Variants in ALOX15 observed in about 807,000 individuals in gnomAD.
ALOX15 encodes arachidonate 15-lipoxygenase.
ALOX15 carries 68 observed loss-of-function variants against 71.7 expected under a neutral mutation model. The ratio of observed to expected loss-of-function variants is 0.95; its 90% CI spans 0.78 to 1.16. The LOEUF is 1.16. ALOX15 is among the 50% of genes most tolerant of loss of function. ALOX15 has a pLI of 0.00. For missense variants in ALOX15, 798 were observed against 818.8 expected, an observed-to-expected ratio of 0.97 and a Z score of 0.31; for synonymous variants, 346 against 333.3, an observed-to-expected ratio of 1.04 and a Z score of -0.42.
At position 4,638,377 on chromosome 17, in the gene ALOX15, T is replaced by C. The variant is rs1162628985; in HGVS notation, c.647A>G (p.Glu216Gly). The change falls in exon 6 of 14, where the codon GAG becomes GGG. Residue 216 changes from glutamate (E) to glycine (G), a missense_variant and splice_region_variant. Coordinates refer to ENST00000293761, the MANE Select transcript of ALOX15 (RefSeq NM_001140.5). The stretch of plus-strand genomic sequence containing the variant: ...TTCCTTCCAGGAGTCCCGCACGCGC[T>C]CTGGGGAAGGCAGTTGTTGAGCAAG... Reference protein sequence around the residue: ...IFWCGQSKLAERVRDSWKEDA... With the variant: ...IFWCGQSKLAGRVRDSWKEDA... 1.1e-6 allele frequency: 1 copy of C among 930,858 alleles called. No homozygotes were observed. The highest frequency in any genetic ancestry group is 1.7e-6 in the Non-Finnish European group (1 of 605,628). 57.7% of individuals were successfully genotyped at this position (930,858 alleles called of 1,614,324 possible).
intron 1 of ALOX15, 55 bp from the exon 2 acceptor site, chr17:4,639,686 G>A (rs1911249986): frequency 1.3e-6 from 2 of 1,533,242 alleles, no homozygotes; most frequent in African/African-American, 1.4e-5. Flanking sequence ...AGGGGCACCC[G>A]GCTGAGCCCT....
rs746042848 is a variant in ALOX15 at position 4,638,984 on chromosome 17, G to A, written c.420-12C>T. 4.4e-5 allele frequency: 71 copies of A among 1,614,096 alleles called. No individual in the cohort carries two copies. The highest frequency in any genetic ancestry group is 5.7e-5 in the Non-Finnish European group (67 of 1,180,044). On this transcript the variant is annotated splice_polypyrimidine_tract_variant and intron_variant, in intron 3 of 13. Transcript: ENST00000293761. ...TCCAGTTTCCCCACCTGTGGGGCAG[G>A]AAGGAAATCAAGTATGGGTGCTGGA... is the stretch of plus-strand genomic sequence containing the variant.
In ALOX15 at chr17:4,638,961, C is replaced by A; in HGVS notation, c.431G>T (p.Trp144Leu). 6.2e-7 allele frequency: 1 copy of A among 1,614,204 alleles called. No individual in the cohort carries two copies. The highest frequency in any genetic ancestry group is 1.1e-5 in the South Asian group (1 of 91,074). ...CATATTCAGAATTAACCCGTCCTTCCAGTTTCCCCACCTGTGGGGCAGGAA... is the reference window on the plus strand; with the variant it reads ...CATATTCAGAATTAACCCGTCCTTCAAGTTTCCCCACCTGTGGGGCAGGAA... ...ERRKLYRWGN[W>L]KDGLILNMAG... is the part of the protein sequence containing the mutation. The change falls in exon 4 of 14, where the codon TGG becomes TTG. Residue 144 changes from tryptophan (W) to leucine (L), a missense_variant. Physicochemically the swap from Trp to Leu is moderately conservative, Grantham distance 61 (BLOSUM62 -2). Around this residue, in one of 3 missense-constraint regions of ALOX15, gnomAD observed 300 missense variants for 283.1 expected, o/e 1.06. Transcript: ENST00000293761.
rs1451495799 is a variant in ALOX15, at chr17:4,635,802, A to C, written c.1118T>G (p.Val373Gly). The change falls in exon 8 of 14, where the codon GTG (valine) becomes GGG (glycine). Residue 373 changes from valine (V) to glycine (G), a missense_variant. Physicochemically the swap from Val to Gly is moderately radical, Grantham distance 109. Coordinates refer to ENST00000293761, the MANE Select transcript of ALOX15 (RefSeq NM_001140.5). ...CGACGGCAGGCACCTCATGGTGGCC[A>C]CAACAATGACCTCAGCCATCAAGTG... Reference protein sequence around the residue: ...RGHLMAEVIVVATMRCLPSIH... With the variant: ...RGHLMAEVIVGATMRCLPSIH... 1.9e-6 allele frequency: 3 copies of C among 1,614,128 alleles called. No homozygotes were observed.
At chr17:4,641,192 A>C (rs41358446) in intron 1 of ALOX15, among the ~76,000 whole-genome samples, 23 of 151,608 alleles carry the variant, frequency 1.5e-4, no homozygotes, top group African/African-American at 5.6e-4. Context: ...CGGTTTTTAA[A>C]ATAGAGAAAG....
intron 6 of ALOX15, among the ~76,000 whole-genome samples, chr17:4,637,973 TTTC>T (rs1911170223): frequency 6.6e-6 from 1 of 152,162 alleles, no homozygotes; most frequent in Admixed American, 6.5e-5. Context: ...GCCAGTCACA[TTTC>T]TTCATTTGAC....
rs566374041 is a variant in ALOX15, at chr17:4,635,610, A to G, written c.1161+149T>C. On this transcript the variant is annotated intron_variant, in intron 8 of 13. Transcript: ENST00000293761. ...CTATCCCCTTTGAAAATGCATGGCCAGCCCTGCTCATTCTCTGTTGCTCTC... is the reference window on the plus strand; with the variant it reads ...CTATCCCCTTTGAAAATGCATGGCCGGCCCTGCTCATTCTCTGTTGCTCTC... The G allele has an allele frequency of 4.3e-4, 329 of 761,824 alleles. 1 individual carries two copies. Among genetic ancestry groups the G allele is most frequent in the Middle Eastern group, 1.8e-3 (5 of 2,746 alleles). The allele number at this position is 761,824 out of a possible 1,614,324, so 47.2% of individuals were successfully genotyped here.
rs778169950 is a variant in ALOX15, at chr17:4,641,554, G to A, written c.98C>T (p.Ala33Val). The A allele has an allele frequency of 6.2e-7, 1 of 1,613,354 alleles. No homozygotes were observed. The highest frequency in any genetic ancestry group is 8.5e-7 in the Non-Finnish European group (1 of 1,179,994). ...QLWLVGQHGE[A>V]ALGKRLWPAR... ...GGGCCACAGTCGCTTCCCGAGCGCC[G>A]CCTCCCCGTGCTGGCCGACCAGCCA... Residue 33 changes from alanine (A) to valine (V), a missense_variant, in exon 1 of 14, where the codon GCG becomes GTG. This residue lies in a region of ALOX15 where 300 missense variants were observed against 283.1 expected (regional missense o/e 1.06). Coordinates refer to ENST00000293761, the MANE Select transcript of ALOX15 (RefSeq NM_001140.5).
At position 4,633,411 on chromosome 17, in the gene ALOX15, T is replaced by A; in HGVS notation, c.1248+3A>T. The A allele has an allele frequency of 6.2e-7, 1 of 1,614,074 alleles. No homozygotes were observed. The highest frequency in any genetic ancestry group is 8.5e-7 in the Non-Finnish European group (1 of 1,179,964). ...CCCAGAATCTCCCTTTCTCTTCCCATACCTGGTCGAAAATTCCCATGTCAG... is the reference window on the plus strand; with the variant it reads ...CCCAGAATCTCCCTTTCTCTTCCCAAACCTGGTCGAAAATTCCCATGTCAG... On this transcript the variant is annotated splice_donor_region_variant and intron_variant, in intron 9 of 13. Transcript: ENST00000293761.
At chr17:4,640,376 G>A (rs1343489613) in intron 1 of ALOX15, among the ~76,000 whole-genome samples, 5 of 142,460 alleles carry the variant, frequency 3.5e-5, no homozygotes, top group East Asian at 4.6e-4. Context: ...TTTTAAAATA[G>A]AGAAACCGGG....
intron 10 of ALOX15, 35 bp downstream of exon 10, chr17:4,633,110 CA>C (rs1460509936): frequency 6.8e-6 from 11 of 1,609,020 alleles, no homozygotes; most frequent in Non-Finnish European, 9.3e-6. Flanking sequence ...TCTCCACCCC[CA>C]CTTGCACCCC....
At chr17:4,631,825 T>C (rs768646495) in intron 13 of ALOX15, 46 bp from the exon 14 acceptor site, 1 of 1,610,840 alleles carries the variant, frequency 6.2e-7, no homozygotes, top group Non-Finnish European at 8.5e-7. Flanking sequence ...TGACCCCCAG[T>C]CTGGGATGCC....
Position 4,639,524 on chromosome 17 carries a change from G to A in ALOX15, c.243C>T (p.Ile81=). 6.2e-7 allele frequency: 1 copy of A among 1,614,062 alleles called. No individual in the cohort carries two copies. Among genetic ancestry groups the A allele is most frequent in the Non-Finnish European group, 8.5e-7 (1 of 1,180,044 alleles). ...LKDDAWFCNW[I]SVQGPGAGDE... ...CCCCGGCTCCGGGGCCCTGCACAGA[G>A]ATCCAGTTGCAGAACCAGGCGTCGT... Residue 81 remains isoleucine, a synonymous_variant, in exon 2 of 14, where the codon ATC becomes ATT. Transcript: ENST00000293761.
chr17:4,631,043 C>T lies in ALOX15; in HGVS notation c.*557G>A, dbSNP rs1910877047. 6.6e-6 allele frequency: 1 copy of T among 152,184 alleles called. No homozygotes were observed. The highest frequency in any genetic ancestry group is 1.5e-5 in the Non-Finnish European group (1 of 68,122). The allele number at this position is 152,184 out of a possible 1,614,324, so 9.4% of individuals were successfully genotyped here. A position where few individuals can be genotyped will look rare whatever the true frequency, so the allele number is the denominator to read the frequency against. On this transcript the variant is annotated 3_prime_UTR_variant, in exon 14 of 14. Transcript: ENST00000293761. ...AAAATCCTATTTCCAGCCTAGGCAA[C>T]ATAGTGAGGCCCCGTCTCCACGAAA...
Position 4,632,073 on chromosome 17 carries a change from A to G in ALOX15, c.1642-17T>C. The G allele has an allele frequency of 6.2e-7, 1 of 1,609,810 alleles. No individual in the cohort carries two copies. Among genetic ancestry groups the G allele is most frequent in the Non-Finnish European group, 8.5e-7 (1 of 1,177,200 alleles). On this transcript the variant is annotated splice_polypyrimidine_tract_variant and intron_variant, in intron 12 of 13. Transcript: ENST00000293761. ...CCAGTCCAGCTAAGGAAGGGCAGGGATCCAGAGTCAGTGCCTACCAAGCAC... is the reference window on the plus strand; with the variant it reads ...CCAGTCCAGCTAAGGAAGGGCAGGGGTCCAGAGTCAGTGCCTACCAAGCAC...
At chr17:4,636,142 C>G (rs544126948) in intron 7 of ALOX15, among the ~76,000 whole-genome samples, 174 bp from the exon 8 acceptor site, 1 of 152,210 alleles carries the variant, frequency 6.6e-6, no homozygotes. Flanking sequence ...CCTGCCCGCT[C>G]AGTGCATTAG....
At chr17:4,632,787 A>G in intron 11 of ALOX15, 74 bp downstream of exon 11, 1 of 1,600,318 alleles carries the variant, frequency 6.2e-7, no homozygotes, top group Non-Finnish European at 8.5e-7. Context: ...GGGAGATTTC[A>G]CAGAAGCACA....
chr17:4,637,987 CTT>C (rs1911170578), intron 6 of ALOX15, among the ~76,000 whole-genome samples: 2 of 152,158 alleles, frequency 1.3e-5, no homozygotes, highest in African/African-American at 4.8e-5. Flanking sequence ...TTCATTTGAC[CTT>C]GTTTCTATCA....
intron 8 of ALOX15, among the ~76,000 whole-genome samples, chr17:4,635,370 GT>G (rs1911060070): frequency 6.6e-6 from 1 of 151,480 alleles, no homozygotes; most frequent in South Asian, 2.1e-4. Context: ...GGAGGCAGAG[GT>G]TGCAGTGAGC....
Sources: gnomAD v4.1 joint callset for allele counts (sites outside exome capture counted in the v4.1 genomes callset) on GRCh38, gnomAD v4.1.1 for gene constraint, gnomAD v4.1.1 regional missense constraint, MANE v1.5 for transcripts, NCBI Gene and HGNC (gene_info 2026-07-23, HGNC 2026-07-21) for gene names.